SPMAP2L: variants seen among roughly 807,000 people sequenced by gnomAD.
SPMAP2L encodes sperm microtubule associated protein 2 like, also known as sperm microtubule associated protein 2-like.
chr4:56,553,159 T>C, the SPMAP2L span, among the ~76,000 whole-genome samples: 1 of 144,108 alleles, frequency 6.9e-6, no homozygotes, highest in Non-Finnish European at 1.5e-5. Flanking sequence ...CAAGCTTGAA[T>C]ATTTTTTGGA....
the SPMAP2L span, among the ~76,000 whole-genome samples, chr4:56,573,078 G>C: frequency 2.0e-5 from 3 of 151,810 alleles, no homozygotes; most frequent in Admixed American, 2.0e-4. Context: ...ACTTGGATGT[G>C]TGGATGACTC....
chr4:56,548,583 C>T, the SPMAP2L span, among the ~76,000 whole-genome samples: 3 of 152,236 alleles, frequency 2.0e-5, no homozygotes, highest in East Asian at 5.8e-4. Flanking sequence ...TAGATATTCT[C>T]TTATTTCCTC....
At chr4:56,572,965 G>C in the SPMAP2L span, among the ~76,000 whole-genome samples, 5 of 150,828 alleles carry the variant, frequency 3.3e-5, no homozygotes, top group East Asian at 9.8e-4. Flanking sequence ...GCAGTGAGCT[G>C]AGATCGCACC....
the SPMAP2L span, among the ~76,000 whole-genome samples, chr4:56,565,359 C>T: frequency 6.6e-6 from 1 of 152,132 alleles, no homozygotes; most frequent in African/African-American, 2.4e-5. Context: ...TTATTAAATG[C>T]ATAAAACTTT....
At chr4:56,554,166 G>A in the SPMAP2L span, among the ~76,000 whole-genome samples, 5 of 152,216 alleles carry the variant, frequency 3.3e-5, no homozygotes, top group East Asian at 1.9e-4. Flanking sequence ...AAACATTCAC[G>A]TGCAGGTTTT....
At chr4:56,612,590 G>GAA in the SPMAP2L span, among the ~76,000 whole-genome samples, 1,321 of 102,568 alleles carry the variant, frequency 0.013, 21 homozygotes, top group African/African-American at 0.055. Flanking sequence ...TTTTTTTCAA[G>GAA]ACAGTCTCAC....
At chr4:56,543,926 ATGT>A in the SPMAP2L span, among the ~76,000 whole-genome samples, 65 of 57,992 alleles carry the variant, frequency 1.1e-3, 2 homozygotes, top group African/African-American at 4.0e-3. Flanking sequence ...GTGTGTGTGT[ATGT>A]GAGAGAGAGA....
chr4:56,557,310 CAGAG>C, the SPMAP2L span, among the ~76,000 whole-genome samples: 2 of 149,058 alleles, frequency 1.3e-5, no homozygotes, highest in African/African-American at 2.5e-5. Context: ...AAAAAACAAA[CAGAG>C]AGAGCTGCTA....
the SPMAP2L span, among the ~76,000 whole-genome samples, chr4:56,611,974 G>C: frequency 6.6e-6 from 1 of 152,122 alleles, no homozygotes; most frequent in South Asian, 2.1e-4. Context: ...TCTGTCAAAT[G>C]CAAGTGTCTC....
At chr4:56,543,973 T>TGAGAGAGAGA in the SPMAP2L span, among the ~76,000 whole-genome samples, 17 of 127,192 alleles carry the variant, frequency 1.3e-4, no homozygotes, top group African/African-American at 5.3e-4. Flanking sequence ...TGTGTGTATG[T>TGAGAGAGAGA]GAGAGAGAGA....
At chr4:56,592,965 G>T in the SPMAP2L span, 1 of 1,605,370 alleles carries the variant, frequency 6.2e-7, no homozygotes, top group Non-Finnish European at 8.5e-7. Flanking sequence ...CATTTGAAAA[G>T]ACCCTTGAAA....
At chr4:56,536,021 A>G in the SPMAP2L span, among the ~76,000 whole-genome samples, 2 of 152,250 alleles carry the variant, frequency 1.3e-5, no homozygotes, top group Non-Finnish European at 2.9e-5. Flanking sequence ...AGTTCACGAT[A>G]GGGTTTGTTT....
the SPMAP2L span, among the ~76,000 whole-genome samples, chr4:56,568,209 T>C: frequency 6.6e-6 from 1 of 152,348 alleles, no homozygotes; most frequent in East Asian, 1.9e-4. Context: ...AAATACGCAA[T>C]ACAGTTACAA....
the SPMAP2L span, among the ~76,000 whole-genome samples, chr4:56,544,797 G>A: frequency 1.3e-5 from 2 of 152,192 alleles, no homozygotes; most frequent in Admixed American, 6.5e-5. Flanking sequence ...GGAGACTGTG[G>A]AGCAGTTCCA....
chr4:56,553,180 CTTTTTTTTTTTT>C, the SPMAP2L span, among the ~76,000 whole-genome samples: 5 of 30,012 alleles, frequency 1.7e-4, no homozygotes, highest in East Asian at 2.5e-3. Context: ...TCTCCTATTG[CTTTTTTTTTTTT>C]TTTTTTTTTT....
the SPMAP2L span, among the ~76,000 whole-genome samples, chr4:56,548,002 A>C: frequency 6.6e-6 from 1 of 152,220 alleles, no homozygotes; most frequent in African/African-American, 2.4e-5. Flanking sequence ...TTTAGGGTCC[A>C]TTTCTATAAA....
the SPMAP2L span, among the ~76,000 whole-genome samples, chr4:56,580,798 CA>C: frequency 6.6e-6 from 1 of 151,688 alleles, no homozygotes; most frequent in Non-Finnish European, 1.5e-5. Flanking sequence ...GTGCAGAATC[CA>C]AAATCAATAC....
chr4:56,594,124 T>C, the SPMAP2L span: 1 of 1,608,244 alleles, frequency 6.2e-7, no homozygotes, highest in Non-Finnish European at 8.5e-7. Context: ...GGATCTTTGT[T>C]TGTGAGTCAT....
chr4:56,623,086 C>T, the SPMAP2L span, among the ~76,000 whole-genome samples: 2 of 152,142 alleles, frequency 1.3e-5, no homozygotes, highest in Admixed American at 6.5e-5. Flanking sequence ...CTTCCTGCTG[C>T]CTTTCTAGCC....
Sources: allele counts gnomAD v4.1 joint callset (sites outside exome capture counted in the v4.1 genomes callset), GRCh38; gene constraint gnomAD v4.1.1; transcripts MANE v1.5; gene names NCBI Gene and HGNC (gene_info 2026-07-23, HGNC 2026-07-21).